Variants in RHOT1 observed in about 807,000 individuals in gnomAD.
RHOT1 encodes mitochondrial Rho GTPase 1.
Under a neutral mutation model 95.3 loss-of-function variants are expected in RHOT1, and 27 were observed. The observed-to-expected ratio is 0.28, with a 90% CI of 0.21 to 0.39. The LOEUF is 0.39. Among genes scored for constraint, RHOT1 ranks in the 10% least tolerant of loss-of-function variants. The probability of loss-of-function intolerance (pLI) is 1.00; values close to 1 mark genes in which losing one functional copy is unlikely to be tolerated. For missense variants in RHOT1, 578 were observed against 786.7 expected (o/e 0.73, Z 3.17); for synonymous variants, 227 against 263.5 (o/e 0.86, Z 1.34).
intron 19 of RHOT1, among the ~76,000 whole-genome samples, chr17:32,216,180 A>G (rs1370175143): frequency 6.6e-6 from 1 of 152,044 alleles, no homozygotes; most frequent in Non-Finnish European, 1.5e-5. Flanking sequence ...ACTAGATTGT[A>G]GTGTATCGTG....
At chr17:32,151,883 A>G (rs890985738) in intron 1 of RHOT1, among the ~76,000 whole-genome samples, 77 of 143,580 alleles carry the variant, frequency 5.4e-4, no homozygotes, top group Non-Finnish European at 1.0e-3. Flanking sequence ...CTCCGTCTCA[A>G]AAAAAAAAAA....
At chr17:32,195,773 A>G (rs941485878) in intron 11 of RHOT1, among the ~76,000 whole-genome samples, 3 of 152,306 alleles carry the variant, frequency 2.0e-5, no homozygotes, top group African/African-American at 7.2e-5. Flanking sequence ...TCCTTTGACT[A>G]AGTTACTAAA....
chr17:32,201,826 T>G (rs571461351), intron 14 of RHOT1, among the ~76,000 whole-genome samples: 41 of 151,864 alleles, frequency 2.7e-4, no homozygotes, highest in African/African-American at 9.5e-4. Flanking sequence ...TCATTTTCGG[T>G]TTTTTTTCTA....
chr17:32,203,795 T>C, intron 15 of RHOT1, 95 bp from the exon 16 acceptor site: 3 of 846,302 alleles, frequency 3.5e-6, no homozygotes, highest in Non-Finnish European at 5.9e-6. Flanking sequence ...GAATGCCCTT[T>C]TATTTATAAC....
intron 15 of RHOT1, among the ~76,000 whole-genome samples, chr17:32,203,381 T>G (rs1159936229): frequency 2.0e-5 from 3 of 148,312 alleles, no homozygotes; most frequent in Admixed American, 6.8e-5. Context: ...GCTTAGGTGA[T>G]CCTCCCACCT....
At chr17:32,143,236 A>G (rs1246923157) in intron 1 of RHOT1, 1 of 378,256 alleles carries the variant, frequency 2.6e-6, no homozygotes, top group Non-Finnish European at 5.3e-6. Context: ...GAACTATTCG[A>G]CTTGTGGGCA....
At chr17:32,222,002 A>G (rs1598483007) in intron 19 of RHOT1, among the ~76,000 whole-genome samples, 1 of 152,236 alleles carries the variant, frequency 6.6e-6, no homozygotes, top group Admixed American at 6.5e-5. Flanking sequence ...AAGACTATCT[A>G]TGAGAAATCA....
At chr17:32,158,134 G>A (rs1274222629) in intron 1 of RHOT1, among the ~76,000 whole-genome samples, 2 of 152,164 alleles carry the variant, frequency 1.3e-5, no homozygotes, top group African/African-American at 2.4e-5. Flanking sequence ...GGGATTACAG[G>A]CATGAGCCAC....
intron 3 of RHOT1, among the ~76,000 whole-genome samples, chr17:32,174,314 A>T (rs1243952710): frequency 6.6e-6 from 1 of 152,258 alleles, no homozygotes; most frequent in Non-Finnish European, 1.5e-5. Context: ...ATTTTGGGTT[A>T]AATGAAAATT....
chr17:32,143,802 A>T (rs2030839997), intron 1 of RHOT1, among the ~76,000 whole-genome samples: 1 of 152,226 alleles, frequency 6.6e-6, no homozygotes, highest in Non-Finnish European at 1.5e-5. Flanking sequence ...GCTGTTTCGA[A>T]GCATTCTGTT....
At chr17:32,222,657 A>G (rs1372892544) in intron 19 of RHOT1, among the ~76,000 whole-genome samples, 4 of 152,030 alleles carry the variant, frequency 2.6e-5, no homozygotes, top group Non-Finnish European at 5.9e-5. Context: ...TAGGGTGGCA[A>G]CTCAATTTAT....
At position 32,224,626 on chromosome 17, in the gene RHOT1, C is replaced by G. The variant is rs372296401; in HGVS notation, c.1873C>G (p.Gln625Glu). 6.2e-7 allele frequency: 1 copy of G among 1,612,392 alleles called. No homozygotes were observed. Among genetic ancestry groups the G allele is most frequent in the South Asian group, 1.1e-5 (1 of 90,918 alleles). The change falls in exon 20 of 20, where the codon CAA (glutamine) becomes GAA (glutamate). Residue 625 changes from glutamine (Q) to glutamate (E), a missense_variant. Around this residue, in one of 4 missense-constraint regions of RHOT1, gnomAD observed 296 missense variants for 338.5 expected, o/e 0.87. Coordinates refer to ENST00000545287, the MANE Select transcript of RHOT1 (RefSeq NM_001033566.3). ...ATTTTCTGACTGCAGGCACGTGACA[C>G]AAGCTGACCTCAAGAGCTCCACGTT... is the stretch of plus-strand genomic sequence containing the variant. ...FTAVLNRHVT[Q>E]ADLKSSTFWL...
chr17:32,147,524 A>T (rs2031543015), intron 1 of RHOT1, among the ~76,000 whole-genome samples: 1 of 151,902 alleles, frequency 6.6e-6, no homozygotes, highest in Non-Finnish European at 1.5e-5. Context: ...TGTTGGAATG[A>T]TATTTAAAGA....
At chr17:32,152,030 A>C (rs1012362547) in intron 1 of RHOT1, among the ~76,000 whole-genome samples, 1 of 152,242 alleles carries the variant, frequency 6.6e-6, no homozygotes, top group Non-Finnish European at 1.5e-5. Context: ...AAATTACCTC[A>C]AATTCTTTTC....
intron 6 of RHOT1, among the ~76,000 whole-genome samples, chr17:32,182,174 C>T (rs1270253501): frequency 2.0e-5 from 3 of 152,106 alleles, no homozygotes; most frequent in Non-Finnish European, 2.9e-5. Context: ...TTGCTTATTG[C>T]TCATTTTCTG....
In RHOT1 at chr17:32,165,348, A is replaced by C. The variant is rs2033972538; in HGVS notation, c.38-5695A>C. 2.0e-5 allele frequency among the ~76,000 whole-genome samples: 3 copies of C among 150,330 alleles called. No individual in the cohort carries two copies. The South Asian group carries it at 6.3e-4, about 31-fold the overall frequency. ...CAAGACTCCGTCTCAAAAAAAAAAA[A>C]AAAAAAAAAAAAAACAATACAAAAA... On this transcript the variant is annotated intron_variant, in intron 1 of 19. Coordinates refer to ENST00000545287, the MANE Select transcript of RHOT1 (RefSeq NM_001033566.3).
intron 1 of RHOT1, among the ~76,000 whole-genome samples, chr17:32,168,111 CA>C (rs879435542): frequency 6.4e-4 from 89 of 140,118 alleles, no homozygotes; most frequent in East Asian, 8.2e-4. Flanking sequence ...ACCTACTCCT[CA>C]AAAAAAAAAA....
intron 16 of RHOT1, among the ~76,000 whole-genome samples, chr17:32,205,432 C>G (rs1417124133): frequency 1.3e-5 from 2 of 152,098 alleles, no homozygotes; most frequent in Non-Finnish European, 2.9e-5. Context: ...TATGAAAACC[C>G]TGCTAGTGCT....
intron 15 of RHOT1, 41 bp from the exon 16 acceptor site, chr17:32,203,849 C>T (rs2037503220): frequency 7.1e-7 from 1 of 1,411,024 alleles, no homozygotes; most frequent in East Asian, 2.3e-5. Context: ...TTGTTGAAAA[C>T]TAGTTACTGC....
Sources: gnomAD v4.1 joint callset for allele counts (sites outside exome capture counted in the v4.1 genomes callset) on GRCh38, gnomAD v4.1.1 for gene constraint, gnomAD v4.1.1 regional missense constraint, MANE v1.5 for transcripts, NCBI Gene and HGNC (gene_info 2026-07-23, HGNC 2026-07-21) for gene names.